The following TRPM3 variants were observed in gnomAD, a reference collection of about 807,000 sequenced individuals.
The protein encoded by TRPM3 is long transient receptor potential channel 3.
Under a neutral mutation model 181.2 loss-of-function variants are expected in TRPM3, and 77 were observed. That is an observed-to-expected ratio of 0.42 (90% CI 0.35 to 0.51). The LOEUF is 0.51. Ranked by LOEUF, TRPM3 falls within the 20% of genes least tolerant of loss-of-function variation. The pLI is 0.01. For missense variants in TRPM3, 1,759 were observed against 2,196.7 expected, an observed-to-expected ratio of 0.80 and a Z score of 3.98; for synonymous variants, 745 against 796.4, an observed-to-expected ratio of 0.94 and a Z score of 1.09.
chr9:71,103,019 G>A (rs969345225), intron 1 of TRPM3, among the ~76,000 whole-genome samples: 4 of 152,068 alleles, frequency 2.6e-5, no homozygotes, highest in Non-Finnish European at 5.9e-5. Flanking sequence ...AATTTGGAGG[G>A]ATAAAAATTT....
intron 1 of TRPM3, among the ~76,000 whole-genome samples, chr9:71,147,444 C>CACAA (rs1390042319): frequency 2.6e-5 from 4 of 151,456 alleles, no homozygotes; most frequent in African/African-American, 9.7e-5. Flanking sequence ...CACACACACA[C>CACAA]ACACACACAC....
rs2041082760 is a variant in TRPM3 at position 70,532,888 on chromosome 9, G to C, written c.*3065C>G. ...GCTGAGCATAAGCTGACTGCACAAG[G>C]CCACAGAATCAATGCCACATTGCTG... On this transcript the variant is annotated 3_prime_UTR_variant, in exon 26 of 26. Coordinates refer to ENST00000677713, the MANE Select transcript of TRPM3 (RefSeq NM_001366145.2). The C allele has an allele frequency of 2.0e-5, 3 of 152,188 alleles. No homozygotes were observed. In the South Asian group the frequency reaches 6.2e-4, roughly 31 times the overall value. 9.4% of individuals were successfully genotyped at this position (152,188 alleles called of 1,614,324 possible).
At chr9:70,881,232 G>A (rs2095986384) in intron 1 of TRPM3, among the ~76,000 whole-genome samples, 1 of 152,154 alleles carries the variant, frequency 6.6e-6, no homozygotes, top group Admixed American at 6.6e-5. Flanking sequence ...ACCATATAGA[G>A]ACTAAAATAT....
intron 1 of TRPM3, among the ~76,000 whole-genome samples, chr9:71,407,950 A>G (rs1461216590): frequency 6.6e-6 from 1 of 152,158 alleles, no homozygotes; most frequent in East Asian, 1.9e-4. Flanking sequence ...GGTGATACCC[A>G]GGCAAATAGG....
At chr9:71,193,112 C>G (rs569601780) in intron 1 of TRPM3, among the ~76,000 whole-genome samples, 91 of 151,964 alleles carry the variant, frequency 6.0e-4, no homozygotes, top group Middle Eastern at 3.4e-3. Flanking sequence ...CCAAAGCTGA[C>G]AGGAAATTAC....
chr9:71,355,678 T>C (rs1184256959), intron 1 of TRPM3, among the ~76,000 whole-genome samples: 1 of 152,166 alleles, frequency 6.6e-6, no homozygotes, highest in African/African-American at 2.4e-5. Context: ...AGGAAGTACA[T>C]GTATTATTTG....
intron 1 of TRPM3, among the ~76,000 whole-genome samples, chr9:71,241,466 A>G (rs947451640): frequency 2.1e-5 from 3 of 140,220 alleles, no homozygotes; most frequent in African/African-American, 7.9e-5. Context: ...TGGACACCGG[A>G]AGGGGAACAT....
At chr9:70,596,427 A>T (rs1195505152) in intron 21 of TRPM3, among the ~76,000 whole-genome samples, 1 of 152,142 alleles carries the variant, frequency 6.6e-6, no homozygotes, top group Non-Finnish European at 1.5e-5. Flanking sequence ...AGTAAATCTC[A>T]AGTAATAATA....
chr9:71,344,242 G>C (rs935155004), intron 1 of TRPM3, among the ~76,000 whole-genome samples: 1 of 152,144 alleles, frequency 6.6e-6, no homozygotes, highest in Non-Finnish European at 1.5e-5. Context: ...CTGAGGTCAA[G>C]AGTTCGAGAC....
intron 1 of TRPM3, among the ~76,000 whole-genome samples, chr9:71,398,846 C>T (rs960406331): frequency 6.6e-6 from 1 of 151,884 alleles, no homozygotes; most frequent in African/African-American, 2.4e-5. Flanking sequence ...TATGAACAGG[C>T]AATCGATAAG....
intron 1 of TRPM3, among the ~76,000 whole-genome samples, chr9:71,162,503 A>G (rs1435841941): frequency 6.6e-6 from 1 of 152,134 alleles, no homozygotes; most frequent in East Asian, 1.9e-4. Context: ...TATTTTACAT[A>G]TATAGCTTCA....
chr9:70,761,330 A>T, intron 8 of TRPM3: 1 of 623,960 alleles, frequency 1.6e-6, no homozygotes. Flanking sequence ...TATCACTTCA[A>T]CTCATTTTGT....
intron 1 of TRPM3, among the ~76,000 whole-genome samples, chr9:71,282,744 T>C (rs533643818): frequency 6.6e-6 from 1 of 152,276 alleles, no homozygotes; most frequent in Non-Finnish European, 1.5e-5. Context: ...CACTATCCTC[T>C]CCCAATGTAA....
intron 22 of TRPM3, among the ~76,000 whole-genome samples, chr9:70,584,177 C>T (rs1187863650): frequency 6.6e-6 from 1 of 152,088 alleles, no homozygotes; most frequent in African/African-American, 2.4e-5. Flanking sequence ...AATGCATGAG[C>T]CACTGTGCCT....
At chr9:71,082,649 T>C (rs2064556929) in intron 1 of TRPM3, among the ~76,000 whole-genome samples, 1 of 152,206 alleles carries the variant, frequency 6.6e-6, no homozygotes, top group Admixed American at 6.6e-5. Flanking sequence ...TAATTCTCTA[T>C]GATCCTATCG....
At position 70,851,650 on chromosome 9, in the gene TRPM3, G is replaced by A. The variant is rs374937552; in HGVS notation, c.463-5059C>T. ...AAAGCTGTGTTCATTATCACAGAATGTTTGTTACTCAGCTAGTAAGCAATC... is the reference window on the plus strand; with the variant it reads ...AAAGCTGTGTTCATTATCACAGAATATTTGTTACTCAGCTAGTAAGCAATC... On this transcript the variant is annotated intron_variant, in intron 3 of 25. Transcript: ENST00000677713. 2.6e-5 allele frequency among the ~76,000 whole-genome samples: 4 copies of A among 152,272 alleles called. No individual in the cohort carries two copies. In the East Asian group the frequency reaches 5.8e-4, roughly 22 times the overall value.
intron 9 of TRPM3, among the ~76,000 whole-genome samples, chr9:70,658,715 T>C (rs1184375371): frequency 6.6e-6 from 1 of 152,056 alleles, no homozygotes; most frequent in Non-Finnish European, 1.5e-5. Context: ...CTTTAGAAAG[T>C]GGTTTTATAA....
rs79030014 is a variant in TRPM3, at chr9:71,098,441, C to T, written c.177+22737G>A. ...CTGGGAAGTTCCTACTGGTGTTTTC[C>T]GGTTTAACATAACTACTTTCACACA... On this transcript the variant is annotated intron_variant, in intron 1 of 25. Transcript: ENST00000677713. Among the ~76,000 whole-genome samples, 742 of 152,230 alleles carry T rather than the reference C, an allele frequency of 4.9e-3. 19 individuals are homozygous for T. The East Asian group carries it at 0.078, about 16-fold the overall frequency.
chr9:71,315,798 T>C (rs950515078), intron 1 of TRPM3, among the ~76,000 whole-genome samples: 18 of 152,188 alleles, frequency 1.2e-4, no homozygotes, highest in African/African-American at 2.9e-4. Context: ...GGACTTTTTA[T>C]TTTGCAAATT....
Sources: allele counts gnomAD v4.1 joint callset (sites outside exome capture counted in the v4.1 genomes callset), GRCh38; gene constraint gnomAD v4.1.1; transcripts MANE v1.5; gene names NCBI Gene and HGNC (gene_info 2026-07-23, HGNC 2026-07-21).